INPP5D: variants seen among roughly 807,000 people sequenced by gnomAD.
INPP5D encodes phosphatidylinositol 3,4,5-trisphosphate 5-phosphatase 1.
INPP5D carries 33 observed loss-of-function variants against 122.9 expected under a neutral mutation model. The observed-to-expected ratio is 0.27, with a 90% confidence interval of 0.20 to 0.36. The LOEUF is 0.36. Ranked by LOEUF, INPP5D falls within the 10% of genes least tolerant of loss-of-function variation. The pLI is 1.00. For synonymous variants in INPP5D, 584 were observed against 576.2 expected (o/e 1.01, Z -0.19); for missense variants, 1,053 against 1,412.7 (o/e 0.75, Z 4.08).
chr2:233,194,646 C>T (rs1310504473), intron 23 of INPP5D, among the ~76,000 whole-genome samples: 1 of 151,742 alleles, frequency 6.6e-6, no homozygotes, highest in Non-Finnish European at 1.5e-5. Context: ...TATAGGCACC[C>T]ACCACCATGC....
In INPP5D at chr2:233,123,955, A is replaced by C. The variant is rs150677134; in HGVS notation, c.349+1698A>C. On this transcript the variant is annotated intron_variant, in intron 3 of 26. Transcript: ENST00000445964. ...CAAAGAGGGGAACAGCACACACTGG[A>C]GCCTACCTGAGGGGGTGGGAGGAGG... Among the ~76,000 whole-genome samples, 532 of 152,224 alleles carry C rather than the reference A, an allele frequency of 3.5e-3. 6 individuals carry two copies. Among genetic ancestry groups the C allele is most frequent in the African/African-American group, 0.012 (498 of 41,534 alleles).
At chr2:233,162,258 A>G (rs779245798) in intron 11 of INPP5D, among the ~76,000 whole-genome samples, 58 of 151,896 alleles carry the variant, frequency 3.8e-4, no homozygotes, top group Admixed American at 9.9e-4. Flanking sequence ...AGAGATAGGT[A>G]CGTAGACAAA....
intron 2 of INPP5D, among the ~76,000 whole-genome samples, chr2:233,083,010 T>C (rs900960674): frequency 1.3e-5 from 2 of 152,150 alleles, no homozygotes; most frequent in Non-Finnish European, 2.9e-5. Flanking sequence ...GCCCTTCACA[T>C]GGTTATAGAT....
chr2:233,091,269 T>C lies in INPP5D; in HGVS notation c.198+11871T>C, dbSNP rs567828464. On this transcript the variant is annotated intron_variant, in intron 2 of 26. Coordinates refer to ENST00000445964, the MANE Select transcript of INPP5D (RefSeq NM_001017915.3). ...CGCTCCTTATAGCACTCCTGTTTTT[T>C]CTTCATAGCCCTTATCGCTGTCTGC... Among the ~76,000 whole-genome samples, 19 of 152,334 alleles carry C rather than the reference T, an allele frequency of 1.2e-4. No homozygotes were observed. In the East Asian group the frequency reaches 3.3e-3, roughly 26 times the overall value.
rs150623170 is a variant in INPP5D at position 233,158,489 on chromosome 2, G to A, written c.1137+70G>A. On this transcript the variant is annotated intron_variant, in intron 10 of 26. Coordinates refer to ENST00000445964, the MANE Select transcript of INPP5D (RefSeq NM_001017915.3). Reference sequence around the variant, plus strand: ...GGACACAAGCGTTTTGAGGCTCGCTGTGTGCCAGGGAGTGTATCATTAGCT... The same window carrying A: ...GGACACAAGCGTTTTGAGGCTCGCTATGTGCCAGGGAGTGTATCATTAGCT... 239 of 642,568 alleles carry A rather than the reference G, an allele frequency of 3.7e-4. No individual in the cohort carries two copies. In the East Asian group the frequency reaches 5.8e-3, roughly 16 times the overall value. The allele number at this position is 642,568 out of a possible 1,614,324, so 39.8% of individuals were successfully genotyped here.
intron 3 of INPP5D, among the ~76,000 whole-genome samples, chr2:233,124,199 G>A (rs902193234): frequency 6.6e-6 from 1 of 151,796 alleles, no homozygotes; most frequent in African/African-American, 2.4e-5. Flanking sequence ...GGCTCTTCCT[G>A]AATTCCAGCA....
chr2:233,156,323 C>T (rs1694052772), intron 9 of INPP5D, among the ~76,000 whole-genome samples: 1 of 138,006 alleles, frequency 7.2e-6, no homozygotes. Context: ...TGGAGTCTCA[C>T]TCTGTCGCCA....
At chr2:233,175,826 G>C (rs1347864632) in intron 17 of INPP5D, among the ~76,000 whole-genome samples, 1 of 152,022 alleles carries the variant, frequency 6.6e-6, no homozygotes, top group Non-Finnish European at 1.5e-5. Context: ...GGGATTACAG[G>C]CATGCGCCAC....
intron 26 of INPP5D, chr2:233,204,944 C>A: frequency 1.6e-6 from 1 of 639,272 alleles, no homozygotes; most frequent in Non-Finnish European, 2.5e-6. Context: ...CCCACACATC[C>A]CTGACCCTGC....
chr2:233,102,849 C>CA (rs543054221), intron 2 of INPP5D, among the ~76,000 whole-genome samples: 11,185 of 88,598 alleles, frequency 0.13, 765 homozygotes, highest in African/African-American at 0.26. Context: ...GACTCCGTCT[C>CA]AAAAAAAAAA....
At chr2:233,192,219 A>C (rs1005484812) in intron 22 of INPP5D, among the ~76,000 whole-genome samples, 1 of 152,214 alleles carries the variant, frequency 6.6e-6, no homozygotes, top group East Asian at 1.9e-4. Flanking sequence ...TGTTAGCAGG[A>C]AACAGGCAGT....
At chr2:233,083,723 A>G (rs1691752822) in intron 2 of INPP5D, among the ~76,000 whole-genome samples, 1 of 152,184 alleles carries the variant, frequency 6.6e-6, no homozygotes, top group African/African-American at 2.4e-5. Context: ...GAAGAGTCTG[A>G]GGTCCTGCAA....
intron 1 of INPP5D, among the ~76,000 whole-genome samples, chr2:233,077,350 T>C (rs965716354): frequency 6.6e-6 from 1 of 152,136 alleles, no homozygotes; most frequent in African/African-American, 2.4e-5. Flanking sequence ...TTAAAGTTAG[T>C]ATATATTTTA....
chr2:233,191,910 T>C (rs981222795), intron 22 of INPP5D, among the ~76,000 whole-genome samples: 7 of 152,206 alleles, frequency 4.6e-5, no homozygotes, highest in Non-Finnish European at 1.0e-4. Flanking sequence ...TAGTCTCCCA[T>C]TGTGCAGGCT....
At position 233,150,599 on chromosome 2, in the gene INPP5D, T is replaced by C. The variant is rs149444155; in HGVS notation, c.1030+3005T>C. Among the ~76,000 whole-genome samples, 360 of 152,264 alleles carry C rather than the reference T, an allele frequency of 2.4e-3. 2 individuals are homozygous for C. The highest frequency in any genetic ancestry group is 8.4e-3 in the African/African-American group (347 of 41,556). On this transcript the variant is annotated intron_variant, in intron 9 of 26. Coordinates refer to ENST00000445964, the MANE Select transcript of INPP5D (RefSeq NM_001017915.3). ...CACCTGATTACTAAAAAACTTAAGA[T>C]TGAAAGAAACACCTCCCAGGGTTCT...
intron 2 of INPP5D, among the ~76,000 whole-genome samples, chr2:233,085,965 G>A (rs1201878958): frequency 4.6e-5 from 7 of 152,094 alleles, no homozygotes; most frequent in African/African-American, 1.2e-4. Flanking sequence ...TACCCAAAGC[G>A]GTCTAGAACT....
chr2:233,083,996 G>T (rs949476891), intron 2 of INPP5D, among the ~76,000 whole-genome samples: 13 of 152,194 alleles, frequency 8.5e-5, no homozygotes, highest in Admixed American at 5.2e-4. Flanking sequence ...GGTTGAGATT[G>T]TATCTAGGAT....
At chr2:233,120,329 C>T (rs1692933337) in intron 2 of INPP5D, among the ~76,000 whole-genome samples, 1 of 152,042 alleles carries the variant, frequency 6.6e-6, no homozygotes, top group African/African-American at 2.4e-5. Context: ...ACTAAAATTA[C>T]AAAAATTAGC....
intron 3 of INPP5D, among the ~76,000 whole-genome samples, chr2:233,122,862 C>T (rs1286079336): frequency 6.6e-6 from 1 of 152,174 alleles, no homozygotes; most frequent in African/African-American, 2.4e-5. Context: ...TCCTCTGCTT[C>T]ACTTGACTAG....
Sources: gnomAD v4.1 joint callset for allele counts (sites outside exome capture counted in the v4.1 genomes callset) on GRCh38, gnomAD v4.1.1 for gene constraint, MANE v1.5 for transcripts, NCBI Gene and HGNC (gene_info 2026-07-23, HGNC 2026-07-21) for gene names.